Variants in PCDHGB3 observed in about 807,000 individuals in gnomAD.
PCDHGB3 encodes protocadherin gamma-B3.
PCDHGB3 carries 40 observed loss-of-function variants against 59.2 expected under a neutral mutation model. That is an observed-to-expected ratio of 0.68 (90% CI 0.52 to 0.88). PCDHGB3 has a LOEUF of 0.88. PCDHGB3 is among the 40% of genes least tolerant of loss of function. The pLI is 0.00. For synonymous variants in PCDHGB3, 581 were observed against 503.6 expected, an observed-to-expected ratio of 1.15 and a Z score of -2.06; for missense variants, 1,309 against 1,187.9, an observed-to-expected ratio of 1.10 and a Z score of -1.50.
intron 1 of PCDHGB3, among the ~76,000 whole-genome samples, chr5:141,457,665 G>A (rs2098927092): frequency 6.6e-6 from 1 of 152,330 alleles, no homozygotes; most frequent in Non-Finnish European, 1.5e-5. Flanking sequence ...AGCAAGAATG[G>A]TTATTTCTAC....
intron 1 of PCDHGB3, chr5:141,409,549 C>T: frequency 6.2e-7 from 1 of 1,614,004 alleles, no homozygotes; most frequent in Non-Finnish European, 8.5e-7. Context: ...ACGACAACGC[C>T]CCAGTTTTCG....
intron 1 of PCDHGB3, chr5:141,403,999 T>C (rs1399272947): frequency 3.1e-6 from 5 of 1,613,898 alleles, no homozygotes; most frequent in Non-Finnish European, 4.2e-6. Context: ...AAGTGACCAT[T>C]ACATCTCTGT....
chr5:141,442,014 G>T, intron 1 of PCDHGB3: 1 of 220,044 alleles, frequency 4.5e-6, no homozygotes, highest in Non-Finnish European at 9.2e-6. Flanking sequence ...TCGCACGATG[G>T]GCCACAGGAA....
At chr5:141,478,165 C>T (rs780594020) in intron 1 of PCDHGB3, 18 of 1,613,920 alleles carry the variant, frequency 1.1e-5, no homozygotes, top group Non-Finnish European at 1.5e-5. Context: ...GCTCTGCCCC[C>T]CGGGAGCAGA....
chr5:141,392,758 A>G (rs1589161304), intron 1 of PCDHGB3: 2 of 1,472,462 alleles, frequency 1.4e-6, no homozygotes, highest in Non-Finnish European at 1.8e-6. Context: ...AAGAAACTAA[A>G]TAAGACCCAT....
intron 1 of PCDHGB3, among the ~76,000 whole-genome samples, chr5:141,450,639 A>T (rs1390959433): frequency 6.6e-6 from 1 of 151,390 alleles, no homozygotes; most frequent in Non-Finnish European, 1.5e-5. Flanking sequence ...GATGCCTGCC[A>T]CCATGCCTGG....
chr5:141,381,416 C>T (rs995030864), intron 1 of PCDHGB3, among the ~76,000 whole-genome samples: 2 of 152,236 alleles, frequency 1.3e-5, no homozygotes, highest in African/African-American at 2.4e-5. Context: ...AGTGGAGAGA[C>T]GAGTACCTCT....
In PCDHGB3 at chr5:141,476,141, G is replaced by A. The variant is rs1011341002; in HGVS notation, c.2416-18666G>A. On this transcript the variant is annotated intron_variant, in intron 1 of 3. Coordinates refer to ENST00000576222, the MANE Select transcript of PCDHGB3 (RefSeq NM_018924.5). This position sits in a 1 kb window ranked among gnomAD's most constrained non-coding sequence, Gnocchi z 7.6. ...GATGGTCCCAGAGGCCTGGAGGAGCGGACTGGTAAGCACCGGGAGGGTAGT... is the reference window on the plus strand; with the variant it reads ...GATGGTCCCAGAGGCCTGGAGGAGCAGACTGGTAAGCACCGGGAGGGTAGT... 5.6e-6 allele frequency: 9 copies of A among 1,609,928 alleles called. No homozygotes were observed. Among genetic ancestry groups the A allele is most frequent in the Non-Finnish European group, 7.6e-6 (9 of 1,178,880 alleles).
rs546494803 is a variant in PCDHGB3 at position 141,425,207 on chromosome 5, G to C, written c.2415+52398G>C. Among the ~76,000 whole-genome samples, 7 of 152,120 alleles carry C rather than the reference G, an allele frequency of 4.6e-5. No homozygotes were observed. In the East Asian group the frequency reaches 1.2e-3, roughly 25 times the overall value. ...TCCAAACTGAGAAAAATGATGTAAG[G>C]CATTGTACTTTGACTGGAATTAGTT... On this transcript the variant is annotated intron_variant, in intron 1 of 3. Transcript: ENST00000576222.
chr5:141,376,233 A>G lies in PCDHGB3; in HGVS notation c.2415+3424A>G, dbSNP rs2159258. 2.7e-3 allele frequency: 4,327 copies of G among 1,614,166 alleles called. 84 individuals carry two copies. In the African/African-American group the frequency reaches 0.046, roughly 17 times the overall value. Reference sequence around the variant, plus strand: ...ATCGTGCTGCTGGCGCTCAGACTGCAGCGCTGGCACAAGTCACGCCTGCTG... The same window carrying G: ...ATCGTGCTGCTGGCGCTCAGACTGCGGCGCTGGCACAAGTCACGCCTGCTG... On this transcript the variant is annotated intron_variant, in intron 1 of 3. Coordinates refer to ENST00000576222, the MANE Select transcript of PCDHGB3 (RefSeq NM_018924.5).
chr5:141,456,087 C>T (rs1218579202), intron 1 of PCDHGB3, among the ~76,000 whole-genome samples: 1 of 151,886 alleles, frequency 6.6e-6, no homozygotes, highest in Non-Finnish European at 1.5e-5. Context: ...TCAGTAGAGA[C>T]GGGATTTCAC....
chr5:141,418,424 G>A lies in PCDHGB3; in HGVS notation c.2415+45615G>A, dbSNP rs1427064246. Reference sequence around the variant, plus strand: ...GGTGGAGAAAGACAATCCTGATGGTGGCAAATATCCAGAATTAGTATTGCA... The same window carrying A: ...GGTGGAGAAAGACAATCCTGATGGTAGCAAATATCCAGAATTAGTATTGCA... On this transcript the variant is annotated intron_variant, in intron 1 of 3. Coordinates refer to ENST00000576222, the MANE Select transcript of PCDHGB3 (RefSeq NM_018924.5). 1 of 1,613,974 alleles carries A rather than the reference G, an allele frequency of 6.2e-7. No individual in the cohort carries two copies. Among genetic ancestry groups the A allele is most frequent in the Non-Finnish European group, 8.5e-7 (1 of 1,179,872 alleles).
At chr5:141,497,691 C>T (rs2099778682) in intron 2 of PCDHGB3, among the ~76,000 whole-genome samples, 1 of 152,066 alleles carries the variant, frequency 6.6e-6, no homozygotes, top group African/African-American at 2.4e-5. Flanking sequence ...AGGTGTGCAC[C>T]ACCACACCCA....
chr5:141,459,548 C>G (rs980305784), intron 1 of PCDHGB3, among the ~76,000 whole-genome samples: 2 of 152,036 alleles, frequency 1.3e-5, no homozygotes, highest in African/African-American at 4.8e-5. Flanking sequence ...TTTTATTTCT[C>G]TTGGATAAAT....
intron 1 of PCDHGB3, chr5:141,384,536 T>A (rs751421323): frequency 2.5e-6 from 4 of 1,614,086 alleles, no homozygotes; most frequent in Admixed American, 1.7e-5. Flanking sequence ...AGCAGCAACA[T>A]GTCACTGAGC....
At chr5:141,423,744 A>G in intron 1 of PCDHGB3, 1 of 429,464 alleles carries the variant, frequency 2.3e-6, no homozygotes. Context: ...TGTTATGAAA[A>G]CTGTTTGGGG....
chr5:141,492,695 A>G (rs925499358), intron 1 of PCDHGB3, among the ~76,000 whole-genome samples: 14 of 152,214 alleles, frequency 9.2e-5, no homozygotes, highest in African/African-American at 3.1e-4. Context: ...CGACCCCTCA[A>G]CCCAGAAGCC....
chr5:141,398,787 A>C, intron 1 of PCDHGB3: 1 of 1,613,902 alleles, frequency 6.2e-7, no homozygotes, highest in South Asian at 1.1e-5. Context: ...GTGGACATCC[A>C]CCCCTAAGCG....
chr5:141,375,476 A>G, intron 1 of PCDHGB3: 1 of 1,613,926 alleles, frequency 6.2e-7, no homozygotes, highest in Non-Finnish European at 8.5e-7. Context: ...CCTTGAAAAC[A>G]ACCCCAGGGG....
Sources: gnomAD v4.1 joint callset for allele counts (sites outside exome capture counted in the v4.1 genomes callset) on GRCh38, gnomAD v4.1.1 for gene constraint, Gnocchi (gnomAD v3.1) non-coding constraint, MANE v1.5 for transcripts, NCBI Gene and HGNC (gene_info 2026-07-23, HGNC 2026-07-21) for gene names.